SLC22A3: variants seen among roughly 807,000 people sequenced by gnomAD.
SLC22A3 encodes the protein EMT organic cation transporter 3.
In SLC22A3, 51 loss-of-function variants were observed where a neutral mutation model predicts 59.1. The observed-to-expected ratio is 0.86, with a 90% CI of 0.69 to 1.09. SLC22A3 has a LOEUF of 1.09. Ranked by LOEUF, SLC22A3 falls within the 50% of genes least tolerant of loss-of-function variation. The probability of loss-of-function intolerance (pLI) is 0.00; values close to 1 mark genes in which losing one functional copy is unlikely to be tolerated. For missense variants in SLC22A3, 711 were observed against 726.3 expected (o/e 0.98, Z 0.24); for synonymous variants, 325 against 292.0 (o/e 1.11, Z -1.15).
chr6:160,393,067 C>T (rs1274079173), intron 1 of SLC22A3, among the ~76,000 whole-genome samples: 25 of 151,920 alleles, frequency 1.6e-4, no homozygotes. Flanking sequence ...TAGAACAATG[C>T]ACACCGCAAA....
At chr6:160,390,950 C>G (rs1786231579) in intron 1 of SLC22A3, among the ~76,000 whole-genome samples, 1 of 152,142 alleles carries the variant, frequency 6.6e-6, no homozygotes, top group Non-Finnish European at 1.5e-5. Context: ...GCACTGCTGC[C>G]AGTCCTTGGC....
intron 5 of SLC22A3, among the ~76,000 whole-genome samples, chr6:160,429,500 G>A (rs938483076): frequency 6.6e-6 from 1 of 152,132 alleles, no homozygotes; most frequent in African/African-American, 2.4e-5. Flanking sequence ...TCACGTTTCT[G>A]CACCCAGAGC....
intron 6 of SLC22A3, 55 bp downstream of exon 6, chr6:160,436,932 C>G (rs1047365649): frequency 6.2e-7 from 1 of 1,609,150 alleles, no homozygotes; most frequent in East Asian, 2.2e-5. Flanking sequence ...CAATACATCC[C>G]TTCCTTCAAA....
intron 5 of SLC22A3, among the ~76,000 whole-genome samples, chr6:160,435,410 G>A (rs1562500202): frequency 6.6e-6 from 1 of 152,204 alleles, no homozygotes; most frequent in Non-Finnish European, 1.5e-5. Context: ...ATGTTAAAAT[G>A]TAGAAAACCA....
In SLC22A3 at chr6:160,443,623, T is replaced by G. The variant is rs1562504224; in HGVS notation, c.1398-7T>G. The G allele has an allele frequency of 6.3e-7, 1 of 1,593,650 alleles. No homozygotes were observed. Among genetic ancestry groups the G allele is most frequent in the Non-Finnish European group, 8.6e-7 (1 of 1,161,692 alleles). The stretch of plus-strand genomic sequence containing the variant: ...GTTTTCACTTAAAATTACTTTTCAT[T>G]CAACAGAAATTTCGGAGTTTCGCTC... On this transcript the variant is annotated splice_region_variant and splice_polypyrimidine_tract_variant and intron_variant, in intron 8 of 10. Coordinates refer to ENST00000275300, the MANE Select transcript of SLC22A3 (RefSeq NM_021977.4).
intron 5 of SLC22A3, among the ~76,000 whole-genome samples, chr6:160,417,340 C>G (rs1262748360): frequency 6.6e-6 from 1 of 152,170 alleles, no homozygotes; most frequent in Non-Finnish European, 1.5e-5. Context: ...CAGCCTGGAG[C>G]AGAGCTGCAG....
intron 2 of SLC22A3, among the ~76,000 whole-genome samples, chr6:160,404,996 C>T (rs1468718578): frequency 6.6e-6 from 1 of 151,576 alleles, no homozygotes; most frequent in East Asian, 1.9e-4. Context: ...TCTAGATGAC[C>T]TTTTAGATAC....
chr6:160,450,291 A>AAAAG (rs1788902073), intron 10 of SLC22A3, among the ~76,000 whole-genome samples: 1 of 152,214 alleles, frequency 6.6e-6, no homozygotes, highest in Non-Finnish European at 1.5e-5. Flanking sequence ...CCTTGCTAGG[A>AAAAG]AAAGACTTCA....
chr6:160,350,542 C>T (rs142378154), intron 1 of SLC22A3, among the ~76,000 whole-genome samples: 5 of 152,118 alleles, frequency 3.3e-5, no homozygotes, highest in Non-Finnish European at 7.3e-5. Context: ...CACTCAGCAG[C>T]GCTGCCTAAT....
chr6:160,442,919 C>A, intron 8 of SLC22A3, 50 bp downstream of exon 8: 1 of 1,389,080 alleles, frequency 7.2e-7, no homozygotes, highest in Non-Finnish European at 1.0e-6. Flanking sequence ...TGTAGACCAG[C>A]GTTTTAAGTT....
intron 5 of SLC22A3, among the ~76,000 whole-genome samples, chr6:160,422,831 C>CT (rs1171628705): frequency 2.7e-4 from 39 of 146,666 alleles, no homozygotes; most frequent in African/African-American, 3.5e-4. Context: ...ATGTCACCTT[C>CT]TTTTTTTTTT....
chr6:160,425,282 T>C (rs1352676093), intron 5 of SLC22A3, among the ~76,000 whole-genome samples: 1 of 152,232 alleles, frequency 6.6e-6, no homozygotes, highest in Non-Finnish European at 1.5e-5. Flanking sequence ...AAAAACTATT[T>C]TAATGTCACT....
chr6:160,408,926 T>C lies in SLC22A3; in HGVS notation c.857+5T>C. ...TCTCTTCCTCCTTTATTACTGGTAA[T>C]GTGGTTTTGGTTATCATCATATTTA... On this transcript the variant is annotated splice_donor_5th_base_variant and intron_variant, in intron 4 of 10. Coordinates refer to ENST00000275300, the MANE Select transcript of SLC22A3 (RefSeq NM_021977.4). 1 of 1,613,276 alleles carries C rather than the reference T, an allele frequency of 6.2e-7. No homozygotes were observed. Among genetic ancestry groups the C allele is most frequent in the Non-Finnish European group, 8.5e-7 (1 of 1,179,536 alleles).
chr6:160,421,122 C>T (rs563870855), intron 5 of SLC22A3, among the ~76,000 whole-genome samples: 7 of 152,316 alleles, frequency 4.6e-5, no homozygotes, highest in South Asian at 4.1e-4. Flanking sequence ...AAGATGCTGA[C>T]GCTGTCTTGA....
chr6:160,348,803 C>T lies in SLC22A3; in HGVS notation c.384C>T (p.Arg128=), dbSNP rs773171820. ...GCTCGGCTCCCCTTGTGCCGTGCCG[C>T]GGCGGCTGGCGCTACGCCCAGGCCC... The part of the protein sequence containing the change: ...PNRSAPLVPC[R]GGWRYAQAHS... The change falls in exon 1 of 11, where the codon CGC becomes CGT. Residue 128 remains arginine (R), a synonymous_variant. Transcript: ENST00000275300. 7 of 1,578,724 alleles carry T rather than the reference C, an allele frequency of 4.4e-6. No homozygotes were observed. The highest frequency in any genetic ancestry group is 2.7e-5 in the African/African-American group (2 of 74,664).
chr6:160,360,990 A>T (rs950582375), intron 1 of SLC22A3, among the ~76,000 whole-genome samples: 2 of 152,200 alleles, frequency 1.3e-5, no homozygotes, highest in East Asian at 3.9e-4. Context: ...GGCTTCCTCT[A>T]CCAGAAATTA....
chr6:160,419,580 GAGTCTCAAAAACAAAGAA>G (rs1787645309), intron 5 of SLC22A3, among the ~76,000 whole-genome samples: 1 of 152,210 alleles, frequency 6.6e-6, no homozygotes, highest in Non-Finnish European at 1.5e-5. Flanking sequence ...GAGAAAGATT[GAGTCTCAAAAACAAAGAA>G]AGTCTCAAAA....
chr6:160,386,977 C>A (rs973634158), intron 1 of SLC22A3, among the ~76,000 whole-genome samples: 6 of 152,214 alleles, frequency 3.9e-5, no homozygotes, highest in Non-Finnish European at 1.5e-5. Flanking sequence ...CTGCTCCAAG[C>A]ACTGCAGGAG....
At chr6:160,412,404 A>C (rs1228066556) in intron 5 of SLC22A3, among the ~76,000 whole-genome samples, 1 of 152,112 alleles carries the variant, frequency 6.6e-6, no homozygotes, top group Non-Finnish European at 1.5e-5. Flanking sequence ...TCCCCTCCCC[A>C]GCCCTTGAAG....
Sources: allele counts gnomAD v4.1 joint callset (sites outside exome capture counted in the v4.1 genomes callset), GRCh38; gene constraint gnomAD v4.1.1; transcripts MANE v1.5; gene names NCBI Gene and HGNC (gene_info 2026-07-23, HGNC 2026-07-21).